NAV3: variants seen among roughly 807,000 people sequenced by gnomAD.
The protein encoded by NAV3 is pore membrane and/or filament interacting like protein 1.
Under a neutral mutation model 244.7 loss-of-function variants are expected in NAV3, and 87 were observed. The observed-to-expected ratio is 0.36, with a 90% CI of 0.30 to 0.42. The LOEUF (loss-of-function observed/expected upper bound fraction) is 0.42, where lower values mean the gene tolerates loss of function less well. Among genes scored for constraint, NAV3 ranks in the 20% least tolerant of loss-of-function variants. The pLI is 1.00. For missense variants in NAV3, 2,663 were observed against 2,893.3 expected, an observed-to-expected ratio of 0.92 and a Z score of 1.83; for synonymous variants, 1,126 against 1,042.2, an observed-to-expected ratio of 1.08 and a Z score of -1.55.
At chr12:77,783,172 A>G (rs10859365) in intron 2 of NAV3, 82,922 of 151,752 alleles carry the variant, frequency 0.55, 22,884 homozygotes, top group South Asian at 0.69. Context: ...AGTACTGGCT[A>G]TAGATTCCAG....
chr12:78,195,548 C>G (rs955958384), intron 34 of NAV3, among the ~76,000 whole-genome samples: 7 of 151,982 alleles, frequency 4.6e-5, no homozygotes, highest in Non-Finnish European at 1.0e-4. Context: ...TTCTGAAAGA[C>G]AGAAATTATG....
intron 2 of NAV3, among the ~76,000 whole-genome samples, chr12:77,748,455 T>C (rs893372809): frequency 1.1e-4 from 17 of 152,182 alleles, no homozygotes; most frequent in Admixed American, 9.2e-4. Flanking sequence ...ACTTTTAAAT[T>C]AAGATGAATG....
In NAV3 at chr12:77,763,194, G is replaced by A. The variant is rs1869575648; in HGVS notation, c.73-177125G>A. 2.6e-5 allele frequency among the ~76,000 whole-genome samples: 4 copies of A among 152,198 alleles called. No homozygotes were observed. The South Asian group carries it at 8.3e-4, about 32-fold the overall frequency. On this transcript the variant is annotated intron_variant, in intron 2 of 8. Transcript: ENST00000550042. ...GGTCCTTGGGTGGAGAGAGAAGAGT[G>A]GTCTCATTTATGCAAGGAATATTGG... is the stretch of plus-strand genomic sequence containing the variant.
intron 1 of NAV3, among the ~76,000 whole-genome samples, chr12:77,867,365 C>T (rs1430294107): frequency 6.6e-6 from 1 of 152,070 alleles, no homozygotes; most frequent in African/African-American, 2.4e-5. Flanking sequence ...GTCTATTAAA[C>T]CTCTTTTTCT....
At chr12:77,984,640 C>A (rs1045688892) in intron 5 of NAV3, among the ~76,000 whole-genome samples, 1 of 152,106 alleles carries the variant, frequency 6.6e-6, no homozygotes, top group Admixed American at 6.6e-5. Flanking sequence ...GTGGGTAGGG[C>A]AGCTGGCTGT....
intron 2 of NAV3, among the ~76,000 whole-genome samples, chr12:77,752,161 A>G (rs1057447941): frequency 6.6e-6 from 1 of 152,158 alleles, no homozygotes; most frequent in African/African-American, 2.4e-5. Context: ...CTTTGAGGCT[A>G]TCTTTTCTTA....
At chr12:77,597,374 T>C (rs1870218651) in intron 2 of NAV3, among the ~76,000 whole-genome samples, 2 of 152,050 alleles carry the variant, frequency 1.3e-5, no homozygotes, top group Admixed American at 1.3e-4. Flanking sequence ...CATGGAGCCT[T>C]GATATCCTCA....
At chr12:77,877,949 T>C (rs1490670720) in intron 1 of NAV3, among the ~76,000 whole-genome samples, 1 of 152,126 alleles carries the variant, frequency 6.6e-6, no homozygotes, top group African/African-American at 2.4e-5. Context: ...CTGGTCTTTT[T>C]CCCAAAAGCT....
At chr12:77,704,678 G>A (rs1037228325) in intron 2 of NAV3, among the ~76,000 whole-genome samples, 9 of 151,566 alleles carry the variant, frequency 5.9e-5, no homozygotes, top group African/African-American at 2.2e-4. Context: ...AAAGTGGAGT[G>A]AAATGGACTC....
At chr12:77,601,633 G>C (rs373835799) in intron 2 of NAV3, among the ~76,000 whole-genome samples, 1 of 151,980 alleles carries the variant, frequency 6.6e-6, no homozygotes, top group Admixed American at 6.6e-5. Context: ...CCTATGTCAA[G>C]CTGAGGGATT....
Position 77,821,770 on chromosome 12 carries a change from G to A in NAV3, c.73-118549G>A, listed in dbSNP as rs113835774. Among the ~76,000 whole-genome samples, 216 of 152,212 alleles carry A rather than the reference G, an allele frequency of 1.4e-3. 1 individual carries two copies. Among genetic ancestry groups the A allele is most frequent in the African/African-American group, 4.6e-3 (190 of 41,542 alleles). On this transcript the variant is annotated intron_variant, in intron 2 of 8. Transcript: ENST00000550042. ...TTGTTACATCTCAACATTTTTGGCC[G>A]CATTTCCCAGGACCAAACTGTTAAA...
At chr12:78,146,906 C>T (rs759289038) in intron 21 of NAV3, among the ~76,000 whole-genome samples, 3 of 152,072 alleles carry the variant, frequency 2.0e-5, no homozygotes, top group Non-Finnish European at 4.4e-5. Flanking sequence ...TTTGGTTGCA[C>T]TCGTGAGCAA....
intron 2 of NAV3, among the ~76,000 whole-genome samples, chr12:77,763,274 A>G (rs1869579249): frequency 6.6e-6 from 1 of 152,202 alleles, no homozygotes; most frequent in African/African-American, 2.4e-5. Flanking sequence ...CAAAAGGGCC[A>G]TTAGCGTTAA....
At chr12:77,773,812 C>G (rs934485641) in intron 2 of NAV3, among the ~76,000 whole-genome samples, 3 of 152,090 alleles carry the variant, frequency 2.0e-5, no homozygotes, top group African/African-American at 7.2e-5. Flanking sequence ...TGTGTAATTA[C>G]ACTATTTCCT....
intron 8 of NAV3, 84 bp downstream of exon 8, chr12:78,007,529 T>G (rs1257067457): frequency 2.3e-5 from 32 of 1,377,578 alleles, no homozygotes; most frequent in Non-Finnish European, 3.1e-5. Context: ...GCTGATAAAG[T>G]GGTGCTTTAT....
At chr12:78,054,867 G>A (rs892547435) in intron 11 of NAV3, among the ~76,000 whole-genome samples, 3 of 152,028 alleles carry the variant, frequency 2.0e-5, no homozygotes, top group African/African-American at 4.8e-5. Flanking sequence ...TGAATTTAGA[G>A]TTAGAGATGT....
intron 1 of NAV3, among the ~76,000 whole-genome samples, chr12:77,849,652 G>A (rs1877194948): frequency 6.6e-6 from 1 of 152,102 alleles, no homozygotes; most frequent in Non-Finnish European, 1.5e-5. Flanking sequence ...ACCTCATTAT[G>A]TATATGCAAA....
intron 20 of NAV3, among the ~76,000 whole-genome samples, chr12:78,144,352 T>G (rs1956761848): frequency 6.6e-6 from 1 of 152,138 alleles, no homozygotes; most frequent in Admixed American, 6.5e-5. Context: ...TTCATATTTT[T>G]TATCATCTCC....
Position 78,119,305 on chromosome 12 carries a change from T to A in NAV3, c.3109T>A (p.Ser1037Thr), listed in dbSNP as rs751705601. ...APLKGSSLQR[S>T]PSDAGKSSGD... is the part of the protein sequence containing the mutation. ...CCTAAAAGGATCATCTCTACAAAGA[T>A]CTCCTTCAGATGCAGGAAAAAGCAG... is the stretch of plus-strand genomic sequence containing the variant. Residue 1037 changes from serine to threonine, a missense_variant, in exon 15 of 40, where the codon TCT (serine) becomes ACT (threonine). By Grantham distance (58) the Ser-to-Thr change is moderately conservative (BLOSUM62 1). Around this residue, in one of 6 missense-constraint regions of NAV3, gnomAD observed 1,521 missense variants for 1,497.0 expected, o/e 1.02. Transcript: ENST00000397909. 3 of 1,614,054 alleles carry A rather than the reference T, an allele frequency of 1.9e-6. No homozygotes were observed. In the South Asian group the frequency reaches 3.3e-5, roughly 18 times the overall value.
Sources: gnomAD v4.1 joint callset for allele counts (sites outside exome capture counted in the v4.1 genomes callset) on GRCh38, gnomAD v4.1.1 for gene constraint, gnomAD v4.1.1 regional missense constraint, MANE v1.5 for transcripts, NCBI Gene and HGNC (gene_info 2026-07-23, HGNC 2026-07-21) for gene names.